ARMC8: variants seen among roughly 807,000 people sequenced by gnomAD.
ARMC8 encodes armadillo repeat-containing protein 8.
In ARMC8, 20 loss-of-function variants were observed where a neutral mutation model predicts 99.3. That is an observed-to-expected ratio of 0.20 (90% CI 0.14 to 0.29). The LOEUF is 0.29. Ranked by LOEUF, ARMC8 falls within the 10% of genes least tolerant of loss-of-function variation. The pLI, the probability that ARMC8 is intolerant of heterozygous loss-of-function variation, is 1.00. For synonymous variants in ARMC8, 263 were observed against 278.3 expected, an observed-to-expected ratio of 0.95 and a Z score of 0.55; for missense variants, 569 against 809.5, an observed-to-expected ratio of 0.70 and a Z score of 3.60.
intron 6 of ARMC8, among the ~76,000 whole-genome samples, chr3:138,230,975 T>TG (rs1464313322): frequency 1.3e-5 from 2 of 152,176 alleles, no homozygotes; most frequent in Non-Finnish European, 2.9e-5. Context: ...GGATAATAAT[T>TG]TAACAGCCAG....
intron 15 of ARMC8, among the ~76,000 whole-genome samples, chr3:138,269,412 A>G (rs954655034): frequency 2.0e-5 from 3 of 152,204 alleles, no homozygotes; most frequent in Non-Finnish European, 2.9e-5. Context: ...TTAAGTAGTT[A>G]GACTAAAGCA....
intron 1 of ARMC8, among the ~76,000 whole-genome samples, chr3:138,203,706 AGG>A (rs2044206103): frequency 6.6e-6 from 1 of 152,232 alleles, no homozygotes. Context: ...GAATATCAGG[AGG>A]TGGGGATCAT....
chr3:138,255,347 C>G (rs913210933), intron 12 of ARMC8, among the ~76,000 whole-genome samples: 1 of 151,806 alleles, frequency 6.6e-6, no homozygotes, highest in Admixed American at 6.6e-5. Context: ...GGACTACAGG[C>G]GCCTGCAACC....
intron 1 of ARMC8, among the ~76,000 whole-genome samples, chr3:138,201,282 G>T: frequency 6.6e-6 from 1 of 150,612 alleles, no homozygotes; most frequent in African/African-American, 2.4e-5. Context: ...GACCAACTCA[G>T]TTAAAAAATA....
At chr3:138,208,114 GT>G (rs2044483894) in intron 1 of ARMC8, among the ~76,000 whole-genome samples, 1 of 149,942 alleles carries the variant, frequency 6.7e-6, no homozygotes, top group African/African-American at 2.5e-5. Flanking sequence ...TGTTGTTGTT[GT>G]TTTAAAGGAG....
intron 1 of ARMC8, chr3:138,187,852 G>T: frequency 3.6e-6 from 2 of 556,028 alleles, no homozygotes; most frequent in Non-Finnish European, 6.4e-6. Context: ...TGGCAGGCGG[G>T]GTGGCTGGGC....
In ARMC8 at chr3:138,281,217, G is replaced by GGT. The variant is rs149949088; in HGVS notation, c.1726-3197_1726-3196dup. ...CTAATATGCGTACATTAATGGTGTGGGTGTGTGTGTGTGTGTGTAGTTTTT... is the reference window on the plus strand; with the variant it reads ...CTAATATGCGTACATTAATGGTGTGGGTGTGTGTGTGTGTGTGTGTAGTTTTT... On this transcript the variant is annotated intron_variant, in intron 18 of 21. Coordinates refer to ENST00000469044, the MANE Select transcript of ARMC8 (RefSeq NM_001363941.2). Among the ~76,000 whole-genome samples the GGT allele has an allele frequency of 1.7e-3, 254 of 149,830 alleles. 2 individuals are homozygous for GGT. In the South Asian group the frequency reaches 0.022, roughly 13 times the overall value.
chr3:138,223,746 T>C lies in ARMC8; in HGVS notation c.435+13T>C. On this transcript the variant is annotated intron_variant, in intron 5 of 21. Transcript: ENST00000469044. Reference sequence around the variant, plus strand: ...GCTACTGTATACAGTGAGTTTTAGATGTATTTGAGACATTAGTTACATTTC... The same window carrying C: ...GCTACTGTATACAGTGAGTTTTAGACGTATTTGAGACATTAGTTACATTTC... 2 of 1,601,980 alleles carry C rather than the reference T, an allele frequency of 1.2e-6. No individual in the cohort carries two copies. Among genetic ancestry groups the C allele is most frequent in the Non-Finnish European group, 8.6e-7 (1 of 1,169,194 alleles).
chr3:138,225,598 A>T (rs369159433), intron 5 of ARMC8, among the ~76,000 whole-genome samples: 21 of 152,294 alleles, frequency 1.4e-4, no homozygotes, highest in African/African-American at 3.9e-4. Context: ...ATGTGTATGT[A>T]TGTATGTGTA....
At chr3:138,187,623 C>T (rs2043134859) in intron 1 of ARMC8, 24 bp downstream of exon 1, 1 of 1,535,280 alleles carries the variant, frequency 6.5e-7, no homozygotes, top group South Asian at 1.2e-5. Context: ...CGCGGCCGCC[C>T]GCCCGCCCTC....
intron 10 of ARMC8, 47 bp downstream of exon 10, chr3:138,239,575 T>A (rs2046503686): frequency 1.6e-6 from 2 of 1,259,612 alleles, no homozygotes; most frequent in Non-Finnish European, 2.3e-6. Flanking sequence ...TCCAGTTATG[T>A]GTTAAATATC....
At chr3:138,240,190 A>G (rs1336262633) in intron 10 of ARMC8, among the ~76,000 whole-genome samples, 1 of 152,196 alleles carries the variant, frequency 6.6e-6, no homozygotes, top group Non-Finnish European at 1.5e-5. Flanking sequence ...GAGGATAACA[A>G]TATATTAAAT....
chr3:138,189,784 C>A (rs942905572), intron 1 of ARMC8, among the ~76,000 whole-genome samples: 6 of 152,200 alleles, frequency 3.9e-5, no homozygotes, highest in African/African-American at 7.2e-5. Context: ...CATTGCCAAC[C>A]TTGACTTTCT....
chr3:138,191,916 G>A (rs1406524099), intron 1 of ARMC8, among the ~76,000 whole-genome samples: 3 of 152,152 alleles, frequency 2.0e-5, no homozygotes, highest in African/African-American at 7.2e-5. Context: ...TGGGCGTTTT[G>A]GTTGCTTCTA....
chr3:138,194,411 C>A (rs1056088265), intron 1 of ARMC8, among the ~76,000 whole-genome samples: 9 of 143,718 alleles, frequency 6.3e-5, no homozygotes, highest in African/African-American at 2.4e-4. Context: ...GATCTCGGGT[C>A]ACTGCAACCT....
rs754676451 is a variant in ARMC8 at position 138,223,490 on chromosome 3, A to G, written c.296A>G (p.Lys99Arg). The G allele has an allele frequency of 3.1e-6, 5 of 1,614,240 alleles. No homozygotes were observed. Among genetic ancestry groups the G allele is most frequent in the Non-Finnish European group, 4.2e-6 (5 of 1,180,046 alleles). The change falls in exon 4 of 22, where the codon AAG (lysine) becomes AGG (arginine). Residue 99 changes from lysine (K) to arginine (R), a missense_variant. Around this residue, in one of 2 missense-constraint regions of ARMC8, gnomAD observed 342 missense variants for 391.6 expected, o/e 0.87. Coordinates refer to ENST00000469044, the MANE Select transcript of ARMC8 (RefSeq NM_001363941.2). ...GCTATGGGTACTGAAAACAATGTCAAGTCTCTACTGGACTGCCATATTATC... is the reference window on the plus strand; with the variant it reads ...GCTATGGGTACTGAAAACAATGTCAGGTCTCTACTGGACTGCCATATTATC... ...SLAMGTENNV[K>R]SLLDCHIIPA...
At chr3:138,242,109 T>C (rs2046653821) in intron 11 of ARMC8, 126 bp downstream of exon 11, 2 of 726,742 alleles carry the variant, frequency 2.8e-6, no homozygotes, top group Non-Finnish European at 4.5e-6. Flanking sequence ...CTTTTATCTT[T>C]GGTAACATAG....
rs750699816 is a variant in ARMC8, at chr3:138,259,401, A to C, written c.1135-4338A>C. ...ACTATAGTGCCCTTTGTATCCATAC[A>C]CAGACGGTCTCCATGCCCTCAAGCT... On this transcript the variant is annotated intron_variant, in intron 12 of 21. Coordinates refer to ENST00000469044, the MANE Select transcript of ARMC8 (RefSeq NM_001363941.2). 1.0e-3 allele frequency among the ~76,000 whole-genome samples: 157 copies of C among 152,208 alleles called. 1 individual carries two copies. Among genetic ancestry groups the C allele is most frequent in the Non-Finnish European group, 4.0e-4 (27 of 68,040 alleles).
chr3:138,273,007 T>C lies in ARMC8; in HGVS notation c.1520T>C (p.Ile507Thr). 2 of 1,606,588 alleles carry C rather than the reference T, an allele frequency of 1.2e-6. No homozygotes were observed. Among genetic ancestry groups the C allele is most frequent in the Non-Finnish European group, 1.7e-6 (2 of 1,176,762 alleles). Residue 507 changes from isoleucine to threonine, a missense_variant, in exon 17 of 22, where the codon ATT becomes ACT. This residue lies in a region of ARMC8 where 227 missense variants were observed against 417.9 expected (regional missense o/e 0.54). Coordinates refer to ENST00000469044, the MANE Select transcript of ARMC8 (RefSeq NM_001363941.2). ...GCTGAACAAAAAATAAAAGCAGATA[T>C]TTTACGAAGCTTGAGTACTGAACAG... Reference protein sequence around the residue: ...FQAEQKIKADILRSLSTEQLF... With the variant: ...FQAEQKIKADTLRSLSTEQLF...
Sources: gnomAD v4.1 joint callset for allele counts (sites outside exome capture counted in the v4.1 genomes callset) on GRCh38, gnomAD v4.1.1 for gene constraint, gnomAD v4.1.1 regional missense constraint, MANE v1.5 for transcripts, NCBI Gene and HGNC (gene_info 2026-07-23, HGNC 2026-07-21) for gene names.